The following TBC1D5 variants were observed in gnomAD, a reference collection of about 807,000 sequenced individuals.
TBC1D5 encodes TBC1 domain family, member 5.
TBC1D5 carries 75 observed loss-of-function variants against 100.3 expected under a neutral mutation model. The observed-to-expected ratio is 0.75, with a 90% CI of 0.62 to 0.91. The LOEUF (loss-of-function observed/expected upper bound fraction) is 0.91. Among genes scored for constraint, TBC1D5 ranks in the 40% least tolerant of loss-of-function variants. TBC1D5 has a pLI of 0.00. For missense variants in TBC1D5, 910 were observed against 942.4 expected (o/e 0.97, Z 0.45); for synonymous variants, 323 against 325.6 (o/e 0.99, Z 0.09).
At chr3:17,377,922 G>C (rs901840235) in intron 9 of TBC1D5, among the ~76,000 whole-genome samples, 2 of 151,336 alleles carry the variant, frequency 1.3e-5, no homozygotes, top group African/African-American at 4.8e-5. Context: ...AACAAACCTT[G>C]AAAAAAATCT....
At chr3:17,283,974 T>C (rs1241513900) in intron 15 of TBC1D5, among the ~76,000 whole-genome samples, 1 of 152,008 alleles carries the variant, frequency 6.6e-6, no homozygotes, top group East Asian at 1.9e-4. Context: ...GCCTGGCTGG[T>C]TCCTTTTCCT....
At chr3:17,549,453 C>T (rs1007415293) in intron 2 of TBC1D5, among the ~76,000 whole-genome samples, 9 of 152,116 alleles carry the variant, frequency 5.9e-5, no homozygotes, top group Admixed American at 3.9e-4. Context: ...TATCTAAAAA[C>T]GAGTCCTTGT....
At chr3:17,372,154 C>T (rs1348662864) in exon 13 of TBC1D5, 1 of 1,613,752 alleles carries the variant, frequency 6.2e-7, no homozygotes, top group South Asian at 1.1e-5. Flanking sequence ...AGTAGATGAT[C>T]CTGGATCTGG....
chr3:17,676,570 T>C (rs2153799543), intron 1 of TBC1D5, among the ~76,000 whole-genome samples: 1 of 152,250 alleles, frequency 6.6e-6, no homozygotes, highest in East Asian at 1.9e-4. Context: ...AAAATGGCCA[T>C]ACTGCCCAAG....
chr3:17,174,628 C>T (rs2067516980), intron 19 of TBC1D5, among the ~76,000 whole-genome samples: 1 of 152,110 alleles, frequency 6.6e-6, no homozygotes, highest in Non-Finnish European at 1.5e-5. Context: ...GAGTCTTGCT[C>T]TGTTGCCCAG....
In TBC1D5 at chr3:17,678,666, T is replaced by TAAAAAAA. The variant is rs150614567; in HGVS notation, c.-100-54760_-100-54754dup. 8.8e-3 allele frequency among the ~76,000 whole-genome samples: 963 copies of TAAAAAAA among 108,906 alleles called. 24 individuals carry two copies. The highest frequency in any genetic ancestry group is 0.038 in the African/African-American group (907 of 23,828). 71.4% of individuals were successfully genotyped at this position (108,906 alleles called of 152,430 possible). ...AAGAGAACTGAGGGAAAAAGAGGGA[T>TAAAAAAA]AAAAAAAAAAAAAAAAAAAAACAGG... is the stretch of plus-strand genomic sequence containing the variant. On this transcript the variant is annotated intron_variant, in intron 1 of 21. Transcript: ENST00000253692.
chr3:17,533,397 T>C (rs187096979), intron 2 of TBC1D5, among the ~76,000 whole-genome samples: 19 of 152,310 alleles, frequency 1.2e-4, no homozygotes, highest in Admixed American at 1.2e-3. Context: ...CCTGAGCTCC[T>C]ACACTAGTGT....
intron 1 of TBC1D5, among the ~76,000 whole-genome samples, chr3:17,678,276 A>G (rs1408249286): frequency 1.3e-5 from 2 of 152,198 alleles, no homozygotes; most frequent in Admixed American, 6.6e-5. Context: ...AGGTGAAGTA[A>G]GATAACTAAA....
chr3:17,186,871 G>T (rs2069187804), intron 18 of TBC1D5, among the ~76,000 whole-genome samples: 1 of 151,998 alleles, frequency 6.6e-6, no homozygotes, highest in African/African-American at 2.4e-5. Context: ...AAGTGTAGCA[G>T]CCTCTCCTCC....
rs1244498734 is a variant in TBC1D5, at chr3:17,214,250, G to T, written c.1709C>A (p.Ser570Ter). ...AGTTTTGCTGTGTGAGCGAGAACGT[G>T]AGATGTTGCTAAAAAAGGAATCTTT... Residue 570 changes from serine to a stop codon, truncating the protein, a stop_gained, in exon 18 of 22, where the codon TCA becomes TAA. Transcript: ENST00000253692. LOFTEE classifies it high-confidence loss of function. 1 of 1,613,358 alleles carries T rather than the reference G, an allele frequency of 6.2e-7. No individual in the cohort carries two copies. The highest frequency in any genetic ancestry group is 8.5e-7 in the Non-Finnish European group (1 of 1,179,744).
chr3:17,380,045 ATG>A lies in TBC1D5; in HGVS notation c.613-3434_613-3433del, dbSNP rs3041142. 6.1e-3 allele frequency among the ~76,000 whole-genome samples: 681 copies of A among 112,470 alleles called. 3 individuals carry two copies. Among genetic ancestry groups the A allele is most frequent in the South Asian group, 0.02 (72 of 3,596 alleles). The allele number at this position is 112,470 out of a possible 152,430, so 73.8% of individuals were successfully genotyped here. A position where few individuals can be genotyped will look rare whatever the true frequency, so the allele number is the denominator to read the frequency against. The stretch of plus-strand genomic sequence containing the variant: ...GGACACTGTACAGCTGTGACTGTGT[ATG>A]TGTGTGTGTGTGTGTGTGTGTGTGT... On this transcript the variant is annotated intron_variant, in intron 9 of 21. Coordinates refer to ENST00000253692, the Ensembl canonical transcript of TBC1D5.
At chr3:17,695,714 C>CT (rs1265056093) in intron 1 of TBC1D5, among the ~76,000 whole-genome samples, 1 of 152,166 alleles carries the variant, frequency 6.6e-6, no homozygotes, top group African/African-American at 2.4e-5. Flanking sequence ...ACAAAGATAT[C>CT]TAGGACTTGA....
intron 14 of TBC1D5, among the ~76,000 whole-genome samples, chr3:17,300,578 T>TGCCAG (rs1434371083): frequency 6.6e-6 from 1 of 151,932 alleles, no homozygotes; most frequent in East Asian, 1.9e-4. Context: ...TGCCATGCCA[T>TGCCAG]GCCAGGCCAG....
At chr3:17,458,027 G>A (rs375637824) in intron 3 of TBC1D5, among the ~76,000 whole-genome samples, 2 of 152,058 alleles carry the variant, frequency 1.3e-5, no homozygotes, top group South Asian at 2.1e-4. Context: ...ACTAAGTCAC[G>A]TCTTTCCTTT....
rs372160976 is a variant in TBC1D5, at chr3:17,508,612, G to C, written c.-35-7C>G. The C allele has an allele frequency of 8.2e-5, 114 of 1,386,570 alleles. No homozygotes were observed. Among genetic ancestry groups the C allele is most frequent in the Non-Finnish European group, 1.0e-4 (100 of 975,764 alleles). 85.9% of individuals were successfully genotyped at this position (1,386,570 alleles called of 1,614,324 possible). A position where few individuals can be genotyped will look rare whatever the true frequency, so the allele number is the denominator to read the frequency against. On this transcript the variant is annotated splice_polypyrimidine_tract_variant and splice_region_variant and intron_variant, in intron 2 of 21. Transcript: ENST00000253692. Reference sequence around the variant, plus strand: ...CGTCACCAAAAGTAACTACCTGGGAGGTGAAAAAATACAGAGAAAAATAAT... The same window carrying C: ...CGTCACCAAAAGTAACTACCTGGGACGTGAAAAAATACAGAGAAAAATAAT...
chr3:17,603,539 C>T (rs1000961888), intron 2 of TBC1D5, among the ~76,000 whole-genome samples: 4 of 152,124 alleles, frequency 2.6e-5, no homozygotes, highest in Non-Finnish European at 5.9e-5. Flanking sequence ...CGGAATTCCC[C>T]ACCCCTTTCC....
At chr3:17,636,326 T>C (rs921073403) in intron 1 of TBC1D5, among the ~76,000 whole-genome samples, 1 of 152,192 alleles carries the variant, frequency 6.6e-6, no homozygotes, top group Non-Finnish European at 1.5e-5. Context: ...CCCTATGAGA[T>C]ACTTTTATTA....
chr3:17,179,542 T>A (rs767723190), intron 19 of TBC1D5, among the ~76,000 whole-genome samples: 6 of 152,184 alleles, frequency 3.9e-5, no homozygotes, highest in Non-Finnish European at 8.8e-5. Flanking sequence ...GTGGCCTCAG[T>A]AGACTAATCA....
intron 17 of TBC1D5, among the ~76,000 whole-genome samples, chr3:17,230,538 T>C (rs942816465): frequency 6.6e-6 from 1 of 152,176 alleles, no homozygotes; most frequent in African/African-American, 2.4e-5. Context: ...TAATGTCACA[T>C]ATTTTAGTTT....
Sources: allele counts gnomAD v4.1 joint callset (sites outside exome capture counted in the v4.1 genomes callset), GRCh38; gene constraint gnomAD v4.1.1; transcripts MANE v1.5; gene names NCBI Gene and HGNC (gene_info 2026-07-23, HGNC 2026-07-21).